Variants in RIMBP2 observed in about 807,000 individuals in gnomAD.
RIMBP2 encodes the protein RIMS-binding protein 2.
RIMBP2 carries 48 observed loss-of-function variants against 118.6 expected under a neutral mutation model. That is an observed-to-expected ratio of 0.40 (90% CI 0.32 to 0.51). RIMBP2 has a LOEUF of 0.51. Among genes scored for constraint, RIMBP2 ranks in the 20% least tolerant of loss-of-function variants. The probability of loss-of-function intolerance (pLI) is 0.41; values close to 1 mark genes in which losing one functional copy is unlikely to be tolerated. For missense variants in RIMBP2, 1,551 were observed against 1,768.3 expected, an observed-to-expected ratio of 0.88 and a Z score of 2.20; for synonymous variants, 762 against 742.9, an observed-to-expected ratio of 1.03 and a Z score of -0.42.
chr12:130,696,027 G>C (rs908516303), intron 1 of RIMBP2, among the ~76,000 whole-genome samples: 1 of 152,174 alleles, frequency 6.6e-6, no homozygotes, highest in East Asian at 1.9e-4. Context: ...CATTTCAGAT[G>C]TGCATTGGGT....
chr12:130,532,917 G>A (rs34037137), intron 2 of RIMBP2, among the ~76,000 whole-genome samples: 33,797 of 136,158 alleles, frequency 0.25, 1,436 homozygotes, highest in Non-Finnish European at 0.31. Flanking sequence ...AATGAGATGC[G>A]TGTGTTTAGC....
At chr12:130,456,421 C>T (rs1179582492) in intron 7 of RIMBP2, 75 bp downstream of exon 7, 2 of 1,354,272 alleles carry the variant, frequency 1.5e-6, no homozygotes, top group Non-Finnish European at 2.0e-6. Context: ...CCGATTTCAC[C>T]TGTGCACACC....
At chr12:130,404,015 C>T (rs549516751) in intron 21 of RIMBP2, among the ~76,000 whole-genome samples, 12 of 152,202 alleles carry the variant, frequency 7.9e-5, no homozygotes, top group African/African-American at 2.4e-4. Context: ...AAATACATAA[C>T]GAGTCACAGA....
intron 12 of RIMBP2, 44 bp downstream of exon 12, chr12:130,438,321 T>C (rs772817682): frequency 1.9e-6 from 3 of 1,597,758 alleles, no homozygotes; most frequent in Non-Finnish European, 2.6e-6. Flanking sequence ...CCCTGCTGCG[T>C]TAGGGCCTAA....
intron 2 of RIMBP2, among the ~76,000 whole-genome samples, chr12:130,600,217 C>T (rs2059788988): frequency 6.6e-6 from 1 of 152,220 alleles, no homozygotes; most frequent in African/African-American, 2.4e-5. Context: ...CCATCTTGGA[C>T]AAGTACTGCC....
chr12:130,543,006 T>C (rs965560659), intron 2 of RIMBP2, among the ~76,000 whole-genome samples: 2 of 152,214 alleles, frequency 1.3e-5, no homozygotes, highest in African/African-American at 4.8e-5. Context: ...TTTCTCCAAA[T>C]GAGGCTGATT....
rs970550686 is a variant in RIMBP2, at chr12:130,450,991, G to A, written c.504+204C>T. Reference sequence around the variant, plus strand: ...TTCTCTCTGCTCCCCCTTAGAACAGGGACCTCACCTGTGTTCACAGAGGGG... The same window carrying A: ...TTCTCTCTGCTCCCCCTTAGAACAGAGACCTCACCTGTGTTCACAGAGGGG... On this transcript the variant is annotated intron_variant, in intron 8 of 22. Coordinates refer to ENST00000690449, the MANE Select transcript of RIMBP2 (RefSeq NM_001393629.1). The surrounding 1 kb of genome is among the most constrained non-coding windows in gnomAD (Gnocchi z 4.8). Among the ~76,000 whole-genome samples, 5 of 152,198 alleles carry A rather than the reference G, an allele frequency of 3.3e-5. No homozygotes were observed. Among genetic ancestry groups the A allele is most frequent in the Admixed American group, 1.3e-4 (2 of 15,290 alleles).
At position 130,438,495 on chromosome 12, in the gene RIMBP2, T is replaced by A. The variant is rs753113658; in HGVS notation, c.1526A>T (p.Asp509Val). The change falls in exon 12 of 23, where the codon GAT becomes GTT. Residue 509 changes from aspartate (D) to valine (V), a missense_variant. Physicochemically the swap from Asp to Val is radical, Grantham distance 152. Transcript: ENST00000690449. ...LPAGPPAPPQ[D>V]VTVQAGVTPA... ...GGTCACCCCAGCCTGGACGGTAACA[T>A]CTTGTGGGGGTGCTGGGGGTCCTGG... 3 of 1,607,720 alleles carry A rather than the reference T, an allele frequency of 1.9e-6. No individual in the cohort carries two copies. The highest frequency in any genetic ancestry group is 3.4e-5 in the Admixed American group (2 of 59,572).
intron 2 of RIMBP2, among the ~76,000 whole-genome samples, chr12:130,604,839 C>T (rs2060092120): frequency 6.7e-6 from 1 of 149,474 alleles, no homozygotes; most frequent in Admixed American, 6.7e-5. Context: ...ACCTCGGCCT[C>T]CCAAAGTGCT....
intron 2 of RIMBP2, among the ~76,000 whole-genome samples, chr12:130,609,139 G>A (rs1169627981): frequency 6.6e-6 from 1 of 152,112 alleles, no homozygotes; most frequent in Non-Finnish European, 1.5e-5. Context: ...ATGGCCACGA[G>A]CCCACTATGT....
At chr12:130,487,172 C>A (rs985740325) in intron 4 of RIMBP2, among the ~76,000 whole-genome samples, 1 of 152,230 alleles carries the variant, frequency 6.6e-6, no homozygotes, top group Non-Finnish European at 1.5e-5. Context: ...TTAGCGAGTG[C>A]CATTCCTGCT....
At chr12:130,408,586 G>A (rs566519160) in intron 19 of RIMBP2, among the ~76,000 whole-genome samples, 5 of 152,228 alleles carry the variant, frequency 3.3e-5, no homozygotes, top group African/African-American at 9.6e-5. Context: ...CAGCGTGAGC[G>A]CTCCACACAG....
intron 2 of RIMBP2, among the ~76,000 whole-genome samples, chr12:130,610,592 G>A (rs370409678): frequency 0.017 from 1,823 of 109,922 alleles, 47 homozygotes; most frequent in African/African-American, 0.06. Context: ...ACGGAGTCTC[G>A]CTCTGTCGCC....
chr12:130,494,540 G>A (rs1206390014), intron 4 of RIMBP2, among the ~76,000 whole-genome samples: 1 of 151,748 alleles, frequency 6.6e-6, no homozygotes, highest in African/African-American at 2.4e-5. Context: ...TCAGGAAGCT[G>A]AAGAGGGAGA....
chr12:130,428,897 A>T (rs1246118416), intron 14 of RIMBP2: 1 of 152,336 alleles, frequency 6.6e-6, no homozygotes, highest in Non-Finnish European at 1.5e-5. Flanking sequence ...GGAGATCGAG[A>T]CCATCCTGGC....
At chr12:130,524,138 G>C (rs576569326) in intron 2 of RIMBP2, among the ~76,000 whole-genome samples, 1 of 152,278 alleles carries the variant, frequency 6.6e-6, no homozygotes, top group East Asian at 1.9e-4. Flanking sequence ...TCCTGAGTAG[G>C]GCAGGATTTG....
chr12:130,404,738 A>T (rs576418289), intron 21 of RIMBP2, among the ~76,000 whole-genome samples: 73 of 152,210 alleles, frequency 4.8e-4, no homozygotes, highest in Non-Finnish European at 8.7e-4. Flanking sequence ...TATTTCTTCC[A>T]AAAGCTAAAT....
intron 19 of RIMBP2, among the ~76,000 whole-genome samples, chr12:130,409,043 A>T (rs7304899): frequency 6.6e-6 from 1 of 152,018 alleles, no homozygotes; most frequent in African/African-American, 2.4e-5. Flanking sequence ...TCTCAGCATT[A>T]TTCATGTTAC....
chr12:130,448,241 G>A (rs571221090), intron 9 of RIMBP2, among the ~76,000 whole-genome samples: 6 of 152,300 alleles, frequency 3.9e-5, no homozygotes, highest in African/African-American at 1.4e-4. Context: ...CAGATGTGCT[G>A]GCTCGTCACG....
Sources: gnomAD v4.1 joint callset for allele counts (sites outside exome capture counted in the v4.1 genomes callset) on GRCh38, gnomAD v4.1.1 for gene constraint, Gnocchi (gnomAD v3.1) non-coding constraint, MANE v1.5 for transcripts, NCBI Gene and HGNC (gene_info 2026-07-23, HGNC 2026-07-21) for gene names.